Variants in MYO7A observed in about 807,000 individuals in gnomAD.
The protein encoded by MYO7A is myosin VIIA.
MYO7A carries 210 observed loss-of-function variants against 263.8 expected under a neutral mutation model. The observed-to-expected ratio is 0.80, with a 90% confidence interval of 0.71 to 0.89. The LOEUF is 0.89. Among genes scored for constraint, MYO7A ranks in the 40% least tolerant of loss-of-function variants. The pLI, the probability that MYO7A is intolerant of heterozygous loss-of-function variation, is 0.00. For missense variants in MYO7A, 2,820 were observed against 2,968.3 expected (o/e 0.95, Z 1.16); for synonymous variants, 1,239 against 1,197.3 (o/e 1.03, Z -0.72).
chr11:77,129,980 C>T (rs1455543211), intron 1 of MYO7A, among the ~76,000 whole-genome samples: 2 of 152,084 alleles, frequency 1.3e-5, no homozygotes, highest in African/African-American at 2.4e-5. Context: ...GGCCCGGGCC[C>T]GGGCCCAGGC....
chr11:77,157,157 C>A, intron 7 of MYO7A, 122 bp from the exon 8 acceptor site: 9 of 1,367,264 alleles, frequency 6.6e-6, no homozygotes, highest in Non-Finnish European at 9.2e-6. Context: ...CACCATGAAA[C>A]CCACCGATGG....
chr11:77,137,859 C>T lies in MYO7A; in HGVS notation c.19-4850C>T, dbSNP rs556556627. On this transcript the variant is annotated intron_variant, in intron 2 of 48. Coordinates refer to ENST00000409709, the MANE Select transcript of MYO7A (RefSeq NM_000260.4). ...TTACCCCAGAAGGAAACTGTATCTG[C>T]CCTCACTCCCCAGAGGCAGCCAGGG... 2.0e-5 allele frequency among the ~76,000 whole-genome samples: 3 copies of T among 152,282 alleles called. No homozygotes were observed. The East Asian group carries it at 5.8e-4, about 29-fold the overall frequency.
intron 30 of MYO7A, 57 bp from the exon 31 acceptor site, chr11:77,191,994 G>A: frequency 6.7e-7 from 1 of 1,488,290 alleles, no homozygotes; most frequent in African/African-American, 1.4e-5. Context: ...CCCCGTTGAG[G>A]CTCCTCATAG....
At chr11:77,180,048 TA>T (rs1380576476) in intron 21 of MYO7A, 95 bp downstream of exon 21, 31 of 1,293,718 alleles carry the variant, frequency 2.4e-5, no homozygotes, top group Middle Eastern at 2.7e-4. Flanking sequence ...GTGGGACCTA[TA>T]GGGGGGACCT....
intron 12 of MYO7A, among the ~76,000 whole-genome samples, chr11:77,161,806 G>C (rs1326555307): frequency 2.6e-5 from 4 of 152,190 alleles, no homozygotes; most frequent in African/African-American, 7.2e-5. Context: ...ATCTGCCTGG[G>C]GTTTGGGTGC....
At chr11:77,147,708 C>T (rs537861215) in intron 3 of MYO7A, 90 bp from the exon 4 acceptor site, 1 of 1,537,034 alleles carries the variant, frequency 6.5e-7, no homozygotes, top group African/African-American at 1.4e-5. Context: ...GGTTGGCACT[C>T]ACCCCGCGCT....
chr11:77,139,542 A>T (rs1417690908), intron 2 of MYO7A: 6 of 144,476 alleles, frequency 4.2e-5, no homozygotes, highest in African/African-American at 1.5e-4. Flanking sequence ...TGGTGTAGGA[A>T]TGGGGCCAGA....
rs372623270 is a variant in MYO7A at position 77,190,804 on chromosome 11, G to A, written c.3858G>A (p.Ala1286=). 354 of 1,591,584 alleles carry A rather than the reference G, an allele frequency of 2.2e-4. 3 individuals carry two copies. In the East Asian group the frequency reaches 4.1e-3, roughly 18 times the overall value. The change falls in exon 30 of 49, where the codon GCG becomes GCA. Residue 1286 remains alanine, a synonymous_variant. Transcript: ENST00000409709. ...SATTAKELCN[A]LADKISLKDR... ...CCACGGCCAAGGAGCTCTGCAACGCGCTGGCCGACAAGATCTCTCTCAAGG... is the reference window on the plus strand; with the variant it reads ...CCACGGCCAAGGAGCTCTGCAACGCACTGGCCGACAAGATCTCTCTCAAGG...
At chr11:77,137,995 A>G (rs1950974064) in intron 2 of MYO7A, among the ~76,000 whole-genome samples, 1 of 152,134 alleles carries the variant, frequency 6.6e-6, no homozygotes, top group Admixed American at 6.5e-5. Context: ...ACATAGAAAA[A>G]AACATGACGA....
rs112447233 is a variant in MYO7A at position 77,188,698 on chromosome 11, T to A, written c.3504-646T>A. On this transcript the variant is annotated intron_variant, in intron 27 of 48. Transcript: ENST00000409709. ...ACTGTGCTAGGTGTGTCATAAGCCTTGGCTCATTCATCTTCACAGCAATCT... is the reference window on the plus strand; with the variant it reads ...ACTGTGCTAGGTGTGTCATAAGCCTAGGCTCATTCATCTTCACAGCAATCT... 2.3e-3 allele frequency among the ~76,000 whole-genome samples: 353 copies of A among 152,334 alleles called. 5 individuals carry two copies. Among genetic ancestry groups the A allele is most frequent in the African/African-American group, 6.9e-3 (288 of 41,584 alleles).
intron 18 of MYO7A, among the ~76,000 whole-genome samples, chr11:77,176,709 C>T (rs1160161348): frequency 6.6e-6 from 1 of 152,158 alleles, no homozygotes; most frequent in Non-Finnish European, 1.5e-5. Flanking sequence ...CAGAATGCCT[C>T]GGCTGAGCAT....
At chr11:77,178,479 C>T (rs988664277) in intron 19 of MYO7A, among the ~76,000 whole-genome samples, 1 of 151,756 alleles carries the variant, frequency 6.6e-6, no homozygotes, top group Non-Finnish European at 1.5e-5. Flanking sequence ...CAAGCATTGA[C>T]TTATTGGCTC....
chr11:77,196,695 A>C (rs1956689883), intron 32 of MYO7A, among the ~76,000 whole-genome samples: 1 of 148,794 alleles, frequency 6.7e-6, no homozygotes, highest in Non-Finnish European at 1.5e-5. Context: ...TTGCCTCTGA[A>C]TTCTCACCGC....
intron 35 of MYO7A, among the ~76,000 whole-genome samples, chr11:77,201,129 G>A (rs1038892127): frequency 3.3e-5 from 5 of 152,214 alleles, no homozygotes; most frequent in Admixed American, 3.3e-4. Flanking sequence ...GCCTGTCCAG[G>A]GAACTGCGAA....
chr11:77,164,193 C>T (rs1177826606), intron 14 of MYO7A, among the ~76,000 whole-genome samples: 4 of 152,130 alleles, frequency 2.6e-5, no homozygotes, highest in African/African-American at 9.7e-5. Context: ...AGGCTTATCT[C>T]ACCTGGAATT....
At chr11:77,205,756 G>T in intron 40 of MYO7A, 139 bp downstream of exon 40, 1 of 1,179,238 alleles carries the variant, frequency 8.5e-7, no homozygotes, top group African/African-American at 1.5e-5. Flanking sequence ...CCAGCTAGAC[G>T]GAGGTGCGGA....
At chr11:77,148,090 ACCCCGGGGC>A (rs1303693949) in intron 4 of MYO7A, 140 bp downstream of exon 4, 58 of 797,328 alleles carry the variant, frequency 7.3e-5, no homozygotes, top group Non-Finnish European at 9.6e-5. Context: ...GTGCAGCTGG[ACCCCGGGGC>A]CCCTGCTGGG....
At chr11:77,214,579 T>A in intron 48 of MYO7A, 28 bp from the exon 49 acceptor site, 4 of 1,501,214 alleles carry the variant, frequency 2.7e-6, no homozygotes, top group Non-Finnish European at 3.6e-6. Context: ...CACCGTGTGC[T>A]CGCTTATCTT....
chr11:77,202,389 C>CT lies in MYO7A; in HGVS notation c.5134dup (p.Tyr1712LeufsTer9), dbSNP rs764240226. The CT allele has an allele frequency of 6.4e-7, 1 of 1,555,650 alleles. No individual in the cohort carries two copies. The highest frequency in any genetic ancestry group is 8.7e-7 in the Non-Finnish European group (1 of 1,149,296). ...CGGAGCCCGAGGTGCGTGCCAAGCC[C>CT]TACACGCTGGAGGAGTTTTCCTATG... On this transcript the variant is annotated frameshift_variant, in exon 37 of 49. Coordinates refer to ENST00000409709, the MANE Select transcript of MYO7A (RefSeq NM_000260.4). LOFTEE classifies it high-confidence loss of function.
Sources: allele counts gnomAD v4.1 joint callset (sites outside exome capture counted in the v4.1 genomes callset), GRCh38; gene constraint gnomAD v4.1.1; transcripts MANE v1.5; gene names NCBI Gene and HGNC (gene_info 2026-07-23, HGNC 2026-07-21).